Variants in IFI16 observed in about 807,000 individuals in gnomAD.
IFI16 encodes the protein interferon gamma inducible protein 16, also known as gamma-interferon-inducible protein 16.
A neutral mutation model predicts 68.4 loss-of-function variants in IFI16; 49 were observed. The observed-to-expected ratio is 0.72, with a 90% CI of 0.57 to 0.91. IFI16 has a LOEUF of 0.91. Ranked by LOEUF, IFI16 falls within the 40% of genes least tolerant of loss-of-function variation. The pLI is 0.00. For synonymous variants in IFI16, 307 were observed against 315.0 expected, an observed-to-expected ratio of 0.97 and a Z score of 0.27; for missense variants, 878 against 942.9, an observed-to-expected ratio of 0.93 and a Z score of 0.90.
chr1:159,007,256 T>A (rs1652294899), upstream of IFI16, among the ~76,000 whole-genome samples: 1 of 152,220 alleles, frequency 6.6e-6, no homozygotes, highest in South Asian at 2.1e-4. Flanking sequence ...AGATTCTGTG[T>A]CTTAACAGCA....
intron 10 of IFI16, 101 bp downstream of exon 10, chr1:159,052,199 A>T (rs986515477): frequency 1.0e-5 from 9 of 860,180 alleles, no homozygotes; most frequent in Non-Finnish European, 1.6e-5. Flanking sequence ...CAACACAGAA[A>T]ATCAACCCCT....
Position 159,014,653 on chromosome 1 carries a change from T to C in IFI16, c.-20-8T>C. On this transcript the variant is annotated splice_region_variant and splice_polypyrimidine_tract_variant and intron_variant, in intron 1 of 11. Coordinates refer to ENST00000295809, the MANE Select transcript of IFI16 (RefSeq NM_001376587.1). Reference sequence around the variant, plus strand: ...GTGTAACACTGTATATACCATTTTCTCTTGTAGGCTCACTTATGTCTGTAA... The same window carrying C: ...GTGTAACACTGTATATACCATTTTCCCTTGTAGGCTCACTTATGTCTGTAA... 2.6e-6 allele frequency: 4 copies of C among 1,554,126 alleles called. No individual in the cohort carries two copies. Among genetic ancestry groups the C allele is most frequent in the Non-Finnish European group, 3.5e-6 (4 of 1,148,028 alleles).
intron 11 of IFI16, 43 bp from the exon 12 acceptor site, chr1:159,054,778 T>C (rs2101945243): frequency 1.0e-6 from 1 of 1,001,554 alleles, no homozygotes; most frequent in Non-Finnish European, 1.6e-6. Flanking sequence ...TGTAGGATCA[T>C]CAGCATCTCA....
At chr1:159,010,396 TGACC>T (rs1652474620) in intron 1 of IFI16, among the ~76,000 whole-genome samples, 1 of 152,222 alleles carries the variant, frequency 6.6e-6, no homozygotes, top group Non-Finnish European at 1.5e-5. Flanking sequence ...AAATGCATTT[TGACC>T]GTTGCAGATT....
chr1:159,054,754 A>T (rs984046152), intron 11 of IFI16, 67 bp from the exon 12 acceptor site: 1 of 780,332 alleles, frequency 1.3e-6, no homozygotes, highest in Non-Finnish European at 2.2e-6. Flanking sequence ...ATACAGTGTG[A>T]TTGAAGGGAG....
At chr1:159,006,956 C>T (rs1472661398), upstream of IFI16, among the ~76,000 whole-genome samples, 2 of 152,072 alleles carry the variant, frequency 1.3e-5, no homozygotes, top group Non-Finnish European at 2.9e-5. Context: ...TTTACCTTAT[C>T]ATATAATAAT....
chr1:159,042,881 T>C (rs1387934785), intron 7 of IFI16, among the ~76,000 whole-genome samples: 1 of 152,168 alleles, frequency 6.6e-6, no homozygotes, highest in Admixed American at 6.5e-5. Context: ...CAATCCAGCG[T>C]TATGGGGCCT....
chr1:159,043,943 C>T (rs1654821180), intron 7 of IFI16, among the ~76,000 whole-genome samples: 1 of 152,228 alleles, frequency 6.6e-6, no homozygotes, highest in Non-Finnish European at 1.5e-5. Context: ...GGCTTCTCTC[C>T]TATTATGCTT....
intron 7 of IFI16, among the ~76,000 whole-genome samples, chr1:159,034,213 G>T (rs1417803): frequency 0.99 from 150,355 of 152,308 alleles, 74,238 homozygotes; most frequent in East Asian, 1. Flanking sequence ...ATAAGGCTGG[G>T]TTTCCTGGAG....
At chr1:159,011,241 G>T (rs549450189) in intron 1 of IFI16, among the ~76,000 whole-genome samples, 1 of 152,014 alleles carries the variant, frequency 6.6e-6, no homozygotes, top group African/African-American at 2.4e-5. Context: ...ATAATTAGCC[G>T]GGTATGGTCA....
chr1:159,017,334 C>G (rs1652997402), intron 4 of IFI16, among the ~76,000 whole-genome samples: 1 of 152,156 alleles, frequency 6.6e-6, no homozygotes, highest in Non-Finnish European at 1.5e-5. Flanking sequence ...GTGTTCTCAC[C>G]TGCTGTAAGC....
chr1:159,033,791 T>G (rs1484164518), intron 7 of IFI16, among the ~76,000 whole-genome samples: 1 of 152,246 alleles, frequency 6.6e-6, no homozygotes, highest in Non-Finnish European at 1.5e-5. Flanking sequence ...AACCTTCTGA[T>G]AACAAATGTG....
chr1:159,019,165 T>G (rs768683855), intron 5 of IFI16, among the ~76,000 whole-genome samples: 19 of 151,962 alleles, frequency 1.3e-4, no homozygotes, highest in Non-Finnish European at 2.5e-4. Flanking sequence ...CAAATGAAAC[T>G]AATTCATCAT....
chr1:159,042,951 T>G lies in IFI16; in HGVS notation c.1330-2346T>G, dbSNP rs147581871. 2.5e-3 allele frequency among the ~76,000 whole-genome samples: 375 copies of G among 152,314 alleles called. 3 individuals are homozygous for G. The highest frequency in any genetic ancestry group is 8.1e-3 in the African/African-American group (336 of 41,558). ...AGGGAAATACTGACCCATGGCAACTTGAGGGATAGGGAACACTAAGATTTA... is the reference window on the plus strand; with the variant it reads ...AGGGAAATACTGACCCATGGCAACTGGAGGGATAGGGAACACTAAGATTTA... On this transcript the variant is annotated intron_variant, in intron 7 of 11. Transcript: ENST00000295809.
At chr1:159,012,073 T>C (rs143811935) in intron 1 of IFI16, among the ~76,000 whole-genome samples, 72 of 150,294 alleles carry the variant, frequency 4.8e-4, no homozygotes, top group African/African-American at 1.6e-3. Flanking sequence ...TTTTTCACTC[T>C]TCTTATCTTT....
Position 159,046,384 on chromosome 1 carries a change from G to A in IFI16, c.1497+920G>A, listed in dbSNP as rs148817938. On this transcript the variant is annotated intron_variant, in intron 8 of 11. Coordinates refer to ENST00000295809, the MANE Select transcript of IFI16 (RefSeq NM_001376587.1). ...AAAATTGGCCACATTGATGAGTTTTGTGTGTGATATGCGTTATTCCTGGTT... is the reference window on the plus strand; with the variant it reads ...AAAATTGGCCACATTGATGAGTTTTATGTGTGATATGCGTTATTCCTGGTT... 1.4e-3 allele frequency among the ~76,000 whole-genome samples: 209 copies of A among 151,324 alleles called. 7 individuals carry two copies. The highest frequency in any genetic ancestry group is 2.7e-3 in the Non-Finnish European group (183 of 67,594).
chr1:159,001,512 A>C (rs186109602), upstream of IFI16, among the ~76,000 whole-genome samples: 1 of 152,330 alleles, frequency 6.6e-6, no homozygotes, highest in Admixed American at 6.5e-5. Context: ...AGTATTTATA[A>C]AGTATTTTAA....
At chr1:159,015,541 T>C in intron 2 of IFI16, 1 of 182,430 alleles carries the variant, frequency 5.5e-6, no homozygotes. Flanking sequence ...ATGAAAACAT[T>C]AGTTTTTAAA....
chr1:159,018,754 C>T, intron 5 of IFI16, 103 bp downstream of exon 5: 1 of 816,600 alleles, frequency 1.2e-6, no homozygotes. Flanking sequence ...ATATTAGAAT[C>T]CAGGACTCTG....
Sources: allele counts gnomAD v4.1 joint callset (sites outside exome capture counted in the v4.1 genomes callset), GRCh38; gene constraint gnomAD v4.1.1; transcripts MANE v1.5; gene names NCBI Gene and HGNC (gene_info 2026-07-23, HGNC 2026-07-21).